FSTL4: variants seen among roughly 807,000 people sequenced by gnomAD.
The protein encoded by FSTL4 is follistatin like 4, also known as follistatin-related protein 4.
Under a neutral mutation model 78.2 loss-of-function variants are expected in FSTL4, and 28 were observed. That is an observed-to-expected ratio of 0.36 (90% CI 0.27 to 0.49). FSTL4 has a LOEUF of 0.49. Ranked by LOEUF, FSTL4 falls within the 20% of genes least tolerant of loss-of-function variation. The pLI is 0.98. For missense variants in FSTL4, 922 were observed against 1,084.9 expected, an observed-to-expected ratio of 0.85 and a Z score of 2.11; for synonymous variants, 422 against 440.5, an observed-to-expected ratio of 0.96 and a Z score of 0.53.
chr5:133,465,822 G>A (rs1466830237), intron 3 of FSTL4, among the ~76,000 whole-genome samples: 1 of 152,230 alleles, frequency 6.6e-6, no homozygotes, highest in African/African-American at 2.4e-5. Context: ...AAAGCAGCAT[G>A]CAACATGGGC....
chr5:133,707,330 G>A, the FSTL4 span, among the ~76,000 whole-genome samples: 1 of 152,198 alleles, frequency 6.6e-6, no homozygotes, highest in Non-Finnish European at 1.5e-5. Context: ...CTAGGAGGCT[G>A]ATGAGGCCCA....
chr5:133,746,558 A>C, the FSTL4 span, among the ~76,000 whole-genome samples: 1 of 152,192 alleles, frequency 6.6e-6, no homozygotes, highest in East Asian at 1.9e-4. Context: ...GGATAGAAAA[A>C]ATAATTTTTT....
the FSTL4 span, among the ~76,000 whole-genome samples, chr5:133,644,612 G>A: frequency 4.6e-5 from 7 of 152,100 alleles, no homozygotes; most frequent in African/African-American, 1.7e-4. Context: ...TGGAAGGAAA[G>A]ACCAACTGGA....
chr5:133,603,624 C>T (rs193161846), intron 2 of FSTL4, among the ~76,000 whole-genome samples: 13 of 152,304 alleles, frequency 8.5e-5, no homozygotes, highest in Non-Finnish European at 1.8e-4. Flanking sequence ...AGCTTGGTTT[C>T]GGAATACACT....
At chr5:133,317,273 G>A (rs1753931514) in intron 4 of FSTL4, among the ~76,000 whole-genome samples, 1 of 152,230 alleles carries the variant, frequency 6.6e-6, no homozygotes, top group Admixed American at 6.5e-5. Context: ...TTGCTGAACA[G>A]CATCAGAACC....
At chr5:133,365,040 CCTCT>C (rs1388596732) in intron 4 of FSTL4, among the ~76,000 whole-genome samples, 1 of 152,106 alleles carries the variant, frequency 6.6e-6, no homozygotes, top group Non-Finnish European at 1.5e-5. Context: ...CTCAGAAAGC[CCTCT>C]ATTTTAGCGC....
At chr5:133,723,717 G>T in the FSTL4 span, among the ~76,000 whole-genome samples, 7 of 152,316 alleles carry the variant, frequency 4.6e-5, no homozygotes, top group East Asian at 1.9e-4. Context: ...CCCCCAGGGA[G>T]TGTGGCTACA....
the FSTL4 span, among the ~76,000 whole-genome samples, chr5:133,672,737 G>T: frequency 6.6e-6 from 1 of 152,326 alleles, no homozygotes; most frequent in Non-Finnish European, 1.5e-5. Flanking sequence ...TGTGCTGCAG[G>T]GCTGTGAAGA....
chr5:133,278,814 G>C (rs1752946625), intron 6 of FSTL4, among the ~76,000 whole-genome samples: 1 of 152,236 alleles, frequency 6.6e-6, no homozygotes, highest in South Asian at 2.1e-4. Flanking sequence ...TCCAGACCAA[G>C]ATATTAGGCA....
At chr5:133,735,247 G>A in the FSTL4 span, among the ~76,000 whole-genome samples, 2 of 152,152 alleles carry the variant, frequency 1.3e-5, no homozygotes, top group African/African-American at 4.8e-5. Context: ...GGCATATCAC[G>A]AGGTCAGGAG....
At chr5:133,406,390 G>A (rs1756363239) in intron 3 of FSTL4, among the ~76,000 whole-genome samples, 1 of 152,230 alleles carries the variant, frequency 6.6e-6, no homozygotes, top group Non-Finnish European at 1.5e-5. Flanking sequence ...CACCTGGGAA[G>A]TGGGGTGAGG....
the FSTL4 span, among the ~76,000 whole-genome samples, chr5:133,760,073 G>A: frequency 2.0e-5 from 3 of 152,202 alleles, no homozygotes; most frequent in South Asian, 6.2e-4. Flanking sequence ...TAAGAGACAG[G>A]GCCTGTCCCT....
chr5:133,766,635 C>A, the FSTL4 span, among the ~76,000 whole-genome samples: 1 of 152,122 alleles, frequency 6.6e-6, no homozygotes, highest in African/African-American at 2.4e-5. Flanking sequence ...AGTGCCTTGG[C>A]ACAGTGAAAG....
chr5:133,480,722 T>C (rs1433571440), intron 3 of FSTL4, among the ~76,000 whole-genome samples: 1 of 152,108 alleles, frequency 6.6e-6, no homozygotes, highest in East Asian at 1.9e-4. Flanking sequence ...CCTTGCAATC[T>C]AACATCTAGA....
chr5:133,693,583 G>T, the FSTL4 span, among the ~76,000 whole-genome samples: 2 of 152,150 alleles, frequency 1.3e-5, no homozygotes, highest in Admixed American at 6.5e-5. Flanking sequence ...CCTCCCAAGG[G>T]CTCCGACTGC....
At chr5:133,540,560 CT>C (rs1415312642) in intron 3 of FSTL4, among the ~76,000 whole-genome samples, 1 of 151,842 alleles carries the variant, frequency 6.6e-6, no homozygotes, top group East Asian at 1.9e-4. Context: ...CATGGATTTT[CT>C]TTTTGACCTG....
chr5:133,199,302 C>T lies in FSTL4; in HGVS notation c.2322G>A (p.Leu774=), dbSNP rs560194957. 3.1e-6 allele frequency: 5 copies of T among 1,614,108 alleles called. No homozygotes were observed. In the Admixed American group the frequency reaches 6.7e-5, roughly 22 times the overall value. The part of the protein sequence containing the change: ...LELSTGKVGM[L]KNLKEPPAGP... ...CTGCGGGTGGCTCCTTTAAGTTCTT[C>T]AGCATGCCCACCTTCCCCGTGGACA... The change falls in exon 16 of 16, where the codon CTG becomes CTA. Residue 774 remains leucine (L), a synonymous_variant. Transcript: ENST00000265342. The surrounding 1 kb of genome is among the most constrained non-coding windows in gnomAD (Gnocchi z 4.4).
At chr5:133,265,128 C>G (rs543143519) in intron 6 of FSTL4, among the ~76,000 whole-genome samples, 1 of 152,104 alleles carries the variant, frequency 6.6e-6, no homozygotes, top group African/African-American at 2.4e-5. Flanking sequence ...TAGGGTGGGT[C>G]TGTGCAGCAC....
At chr5:133,603,739 C>T (rs1195873022) in intron 2 of FSTL4, 119 bp downstream of exon 2, 3 of 1,179,522 alleles carry the variant, frequency 2.5e-6, no homozygotes, top group Non-Finnish European at 3.7e-6. Context: ...AAAGGAAGTG[C>T]AATTTTAATT....
Sources: allele counts gnomAD v4.1 joint callset (sites outside exome capture counted in the v4.1 genomes callset), GRCh38; gene constraint gnomAD v4.1.1; non-coding constraint Gnocchi (gnomAD v3.1); transcripts MANE v1.5; gene names NCBI Gene and HGNC (gene_info 2026-07-23, HGNC 2026-07-21).